The following PYGL variants were observed in gnomAD, a reference collection of about 807,000 sequenced individuals.
PYGL encodes the protein glycogen phosphorylase L.
In PYGL, 90 loss-of-function variants were observed where a neutral mutation model predicts 100.1. That is an observed-to-expected ratio of 0.90 (90% CI 0.76 to 1.07). The LOEUF is 1.07. PYGL is among the 50% of genes least tolerant of loss of function. The pLI, the probability that PYGL is intolerant of heterozygous loss-of-function variation, is 0.00. For synonymous variants in PYGL, 373 were observed against 393.0 expected, an observed-to-expected ratio of 0.95 and a Z score of 0.60; for missense variants, 1,016 against 1,057.6, an observed-to-expected ratio of 0.96 and a Z score of 0.55.
chr14:50,925,685 T>G (rs1170683332), intron 4 of PYGL, among the ~76,000 whole-genome samples: 1 of 152,226 alleles, frequency 6.6e-6, no homozygotes, highest in Non-Finnish European at 1.5e-5. Context: ...TATTCAAATT[T>G]TGATAGTGTT....
intron 19 of PYGL, among the ~76,000 whole-genome samples, chr14:50,907,426 T>C (rs1250362235): frequency 6.6e-6 from 1 of 152,224 alleles, no homozygotes; most frequent in Non-Finnish European, 1.5e-5. Context: ...TCTCAAATAC[T>C]GATGACCCCA....
chr14:50,936,484 C>T (rs2050653984), intron 2 of PYGL, among the ~76,000 whole-genome samples: 4 of 152,208 alleles, frequency 2.6e-5, no homozygotes, highest in African/African-American at 9.7e-5. Context: ...TGCTAACACT[C>T]AGAATTTTTA....
At chr14:50,911,049 A>G (rs2050391509) in intron 16 of PYGL, among the ~76,000 whole-genome samples, 1 of 152,222 alleles carries the variant, frequency 6.6e-6, no homozygotes, top group Non-Finnish European at 1.5e-5. Flanking sequence ...ACCTAAAAAC[A>G]CCACAAAAAG....
At chr14:50,913,152 T>C in intron 12 of PYGL, 22 bp from the exon 13 acceptor site, 2 of 1,607,746 alleles carry the variant, frequency 1.2e-6, no homozygotes, top group Non-Finnish European at 1.7e-6. Flanking sequence ...AAGGAAAAGA[T>C]GACTTCAATT....
chr14:50,944,479 G>A lies in PYGL; in HGVS notation c.-76C>T. The A allele has an allele frequency of 2.0e-6, 3 of 1,494,790 alleles. No individual in the cohort carries two copies. In the South Asian group the frequency reaches 3.8e-5, roughly 19 times the overall value. The allele number at this position is 1,494,790 out of a possible 1,614,324, so 92.6% of individuals were successfully genotyped here. ...GCCGGAGGCGCTGGGCTGCCGGGCA[G>A]GGGTGGAGTCCGCCCCGCCGCGCCA... On this transcript the variant is annotated 5_prime_UTR_variant, in exon 1 of 20. Transcript: ENST00000216392.
At chr14:50,923,898 T>C (rs2050523675) in intron 5 of PYGL, 71 bp downstream of exon 5, 27 of 1,489,626 alleles carry the variant, frequency 1.8e-5, no homozygotes, top group Admixed American at 3.4e-5. Context: ...CACTATATGC[T>C]ACATAGTCAA....
intron 3 of PYGL, among the ~76,000 whole-genome samples, chr14:50,934,155 G>A (rs939602319): frequency 6.6e-6 from 1 of 152,054 alleles, no homozygotes; most frequent in African/African-American, 2.4e-5. Context: ...CTATATATTT[G>A]ATGAAAAATT....
intron 16 of PYGL, among the ~76,000 whole-genome samples, chr14:50,910,916 A>T (rs986348213): frequency 2.6e-5 from 4 of 152,240 alleles, no homozygotes; most frequent in Non-Finnish European, 4.4e-5. Context: ...TACAAAGGTC[A>T]GGACCACTTT....
Position 50,932,317 on chromosome 14 carries a change from A to G in PYGL, c.425-541T>C, listed in dbSNP as rs111683812. ...CAGATATTAGGTGATCATATGCTTC[A>G]GGGAGGCTGAACCAGGAAGTGAATC... On this transcript the variant is annotated intron_variant, in intron 3 of 19. Coordinates refer to ENST00000216392, the MANE Select transcript of PYGL (RefSeq NM_002863.5). 5.3e-4 allele frequency among the ~76,000 whole-genome samples: 81 copies of G among 152,334 alleles called. 1 individual carries two copies. Among genetic ancestry groups the G allele is most frequent in the African/African-American group, 1.8e-3 (75 of 41,574 alleles).
intron 19 of PYGL, among the ~76,000 whole-genome samples, chr14:50,906,926 G>A (rs1425555058): frequency 3.3e-5 from 5 of 152,132 alleles, no homozygotes; most frequent in Admixed American, 1.3e-4. Context: ...AAATCCCAGT[G>A]GGACATTTAG....
At chr14:50,907,492 A>G (rs566069983) in intron 19 of PYGL, among the ~76,000 whole-genome samples, 2 of 152,266 alleles carry the variant, frequency 1.3e-5, no homozygotes, top group African/African-American at 4.8e-5. Flanking sequence ...ACTATGATGA[A>G]GCTACCTTGG....
intron 3 of PYGL, among the ~76,000 whole-genome samples, chr14:50,932,831 T>C (rs2050614406): frequency 6.6e-6 from 1 of 152,168 alleles, no homozygotes; most frequent in Non-Finnish European, 1.5e-5. Context: ...CTGACAAGAA[T>C]ATTAAAAGCT....
At chr14:50,911,702 C>T (rs1174740492) in intron 16 of PYGL, 28 bp downstream of exon 16, 1 of 1,613,510 alleles carries the variant, frequency 6.2e-7, no homozygotes, top group Non-Finnish European at 8.5e-7. Context: ...TGCCCTGGCC[C>T]CTGCATATTT....
chr14:50,919,480 T>TC (rs2050481208), intron 7 of PYGL, among the ~76,000 whole-genome samples: 1 of 152,156 alleles, frequency 6.6e-6, no homozygotes, highest in Non-Finnish European at 1.5e-5. Flanking sequence ...TATGTCCTAG[T>TC]CCCCCCAAGA....
In PYGL at chr14:50,912,303, C is replaced by G; in HGVS notation, c.1621G>C (p.Glu541Gln). The G allele has an allele frequency of 6.2e-7, 1 of 1,613,914 alleles. No homozygotes were observed. The highest frequency in any genetic ancestry group is 8.5e-7 in the Non-Finnish European group (1 of 1,179,908). ...FLRELAKVKQ[E>Q]NKLKFSQFLE... Reference sequence around the variant, plus strand: ...AACTGAGAAAACTTCAGCTTATTCTCCTGTTAAGACAGTGCATGGTGCCAG... The same window carrying G: ...AACTGAGAAAACTTCAGCTTATTCTGCTGTTAAGACAGTGCATGGTGCCAG... The change falls in exon 14 of 20, where the codon GAG becomes CAG. Residue 541 changes from glutamate (E) to glutamine (Q), a missense_variant and splice_region_variant. Glu to Gln is a conservative substitution (Grantham distance 29). Coordinates refer to ENST00000216392, the MANE Select transcript of PYGL (RefSeq NM_002863.5).
chr14:50,937,857 G>T lies in PYGL; in HGVS notation c.244-20C>A, dbSNP rs771949088. 1.3e-6 allele frequency: 2 copies of T among 1,584,012 alleles called. No homozygotes were observed. The highest frequency in any genetic ancestry group is 1.7e-6 in the Non-Finnish European group (2 of 1,153,020). On this transcript the variant is annotated intron_variant, in intron 1 of 19. Coordinates refer to ENST00000216392, the MANE Select transcript of PYGL (RefSeq NM_002863.5). Reference sequence around the variant, plus strand: ...TACCCTCTGAAATAAAGAAAAGAGAGATAATGTTTCCCCCAAGAGATCAAC... The same window carrying T: ...TACCCTCTGAAATAAAGAAAAGAGATATAATGTTTCCCCCAAGAGATCAAC...
intron 1 of PYGL, 38 bp downstream of exon 1, chr14:50,944,123 C>T (rs753058919): frequency 7.2e-5 from 113 of 1,572,750 alleles, no homozygotes; most frequent in Non-Finnish European, 9.4e-5. Flanking sequence ...ACTCCGACTC[C>T]GGGCTGGACC....
intron 8 of PYGL, 47 bp downstream of exon 8, chr14:50,916,915 T>C: frequency 6.2e-7 from 1 of 1,600,468 alleles, no homozygotes. Flanking sequence ...GAAATCCCAG[T>C]CAATCCCTCA....
At chr14:50,944,133 C>A in intron 1 of PYGL, 28 bp downstream of exon 1, 1 of 1,583,058 alleles carries the variant, frequency 6.3e-7, no homozygotes, top group Non-Finnish European at 8.5e-7. Flanking sequence ...CGGGCTGGAC[C>A]CCGGCCCGCC....
Sources: gnomAD v4.1 joint callset for allele counts (sites outside exome capture counted in the v4.1 genomes callset) on GRCh38, gnomAD v4.1.1 for gene constraint, MANE v1.5 for transcripts, NCBI Gene and HGNC (gene_info 2026-07-23, HGNC 2026-07-21) for gene names.